PARP12: variants seen among roughly 807,000 people sequenced by gnomAD.
PARP12 encodes poly(ADP-ribose) polymerase family member 12.
Under a neutral mutation model 72.4 loss-of-function variants are expected in PARP12, and 59 were observed. The observed-to-expected ratio is 0.81, with a 90% CI of 0.66 to 1.01. The LOEUF (loss-of-function observed/expected upper bound fraction) is 1.01, where lower values mean the gene tolerates loss of function less well. Ranked by LOEUF, PARP12 falls within the 50% of genes least tolerant of loss-of-function variation. The probability of loss-of-function intolerance (pLI) is 0.00; values close to 1 mark genes in which losing one functional copy is unlikely to be tolerated. For missense variants in PARP12, 851 were observed against 914.0 expected, an observed-to-expected ratio of 0.93 and a Z score of 0.89; for synonymous variants, 403 against 371.4, an observed-to-expected ratio of 1.09 and a Z score of -0.98.
intron 11 of PARP12, among the ~76,000 whole-genome samples, chr7:140,025,895 G>A (rs1428671452): frequency 6.6e-6 from 1 of 152,174 alleles, no homozygotes; most frequent in Non-Finnish European, 1.5e-5. Flanking sequence ...CTTCATCAGG[G>A]CTGGGAAGGT....
intron 7 of PARP12, among the ~76,000 whole-genome samples, chr7:140,036,149 T>C (rs1047322396): frequency 6.6e-6 from 1 of 152,166 alleles, no homozygotes; most frequent in Non-Finnish European, 1.5e-5. Context: ...ACTGCACGTG[T>C]GTGCTCTTCC....
intron 7 of PARP12, among the ~76,000 whole-genome samples, chr7:140,037,048 C>T (rs1378941524): frequency 1.3e-5 from 2 of 152,166 alleles, no homozygotes; most frequent in East Asian, 3.9e-4. Context: ...GCAGGCCAGG[C>T]GCGGTGGCTC....
intron 9 of PARP12, among the ~76,000 whole-genome samples, chr7:140,028,004 G>A (rs1815800397): frequency 6.6e-6 from 1 of 152,188 alleles, no homozygotes; most frequent in Admixed American, 6.5e-5. Context: ...AGCTCAATAA[G>A]TCCTCCCAGG....
At chr7:140,051,421 C>T (rs956834903) in intron 4 of PARP12, among the ~76,000 whole-genome samples, 1 of 150,576 alleles carries the variant, frequency 6.6e-6, no homozygotes, top group African/African-American at 2.4e-5. Context: ...GACAGAGTTT[C>T]ACTCTGTCGC....
chr7:140,029,887 GA>G (rs1216674312), intron 8 of PARP12, among the ~76,000 whole-genome samples: 1 of 152,174 alleles, frequency 6.6e-6, no homozygotes, highest in Non-Finnish European at 1.5e-5. Flanking sequence ...GAAAATGCAG[GA>G]AAGAAGTTGA....
intron 4 of PARP12, among the ~76,000 whole-genome samples, chr7:140,047,320 G>A (rs1816771936): frequency 6.6e-6 from 1 of 152,160 alleles, no homozygotes; most frequent in African/African-American, 2.4e-5. Flanking sequence ...TGGATTAATG[G>A]GTGTATGGGT....
chr7:140,027,844 C>CT (rs375595503), intron 9 of PARP12, among the ~76,000 whole-genome samples: 33 of 149,958 alleles, frequency 2.2e-4, no homozygotes, highest in African/African-American at 6.8e-4. Context: ...ATGTCCCTGC[C>CT]TTTTTTTTTT....
intron 6 of PARP12, among the ~76,000 whole-genome samples, chr7:140,038,834 T>C (rs1816329136): frequency 6.6e-6 from 1 of 152,090 alleles, no homozygotes; most frequent in Non-Finnish European, 1.5e-5. Flanking sequence ...GAGTCACCCA[T>C]GCCTCTGCGC....
chr7:140,028,161 C>T (rs1815810087), intron 9 of PARP12, among the ~76,000 whole-genome samples: 1 of 152,180 alleles, frequency 6.6e-6, no homozygotes, highest in African/African-American at 2.4e-5. Context: ...GGTCAGAGCC[C>T]CTCAACAAGC....
intron 4 of PARP12, among the ~76,000 whole-genome samples, chr7:140,052,964 G>A (rs1436054685): frequency 1.3e-5 from 2 of 152,242 alleles, no homozygotes; most frequent in East Asian, 1.9e-4. Context: ...GTGTTAGCAA[G>A]AATATACAAT....
chr7:140,025,342 G>C (rs1428105933), intron 11 of PARP12: 1 of 289,690 alleles, frequency 3.5e-6, no homozygotes, highest in Admixed American at 4.5e-5. Flanking sequence ...ATGGAAATCT[G>C]AGTTAGAAGC....
chr7:140,052,061 G>T (rs1486022047), intron 4 of PARP12, among the ~76,000 whole-genome samples: 3 of 152,182 alleles, frequency 2.0e-5, no homozygotes, highest in African/African-American at 7.2e-5. Flanking sequence ...TTTGTCTCCA[G>T]GATCCTACTG....
chr7:140,048,967 TAC>T (rs1316855951), intron 4 of PARP12, among the ~76,000 whole-genome samples: 1 of 152,232 alleles, frequency 6.6e-6, no homozygotes, highest in African/African-American at 2.4e-5. Flanking sequence ...GTGTCCTTTG[TAC>T]ATTTTTAATT....
chr7:140,033,369 G>A (rs1287666373), intron 8 of PARP12: 2 of 985,342 alleles, frequency 2.0e-6, no homozygotes, highest in Non-Finnish European at 2.4e-6. Flanking sequence ...AACCAAAAGA[G>A]ACATTGTTGG....
chr7:140,045,840 G>A (rs910312925), intron 5 of PARP12, among the ~76,000 whole-genome samples: 19 of 152,226 alleles, frequency 1.2e-4, no homozygotes, highest in Admixed American at 1.2e-3. Context: ...GGAAGTGTCT[G>A]ACCTTGTAGT....
intron 7 of PARP12, among the ~76,000 whole-genome samples, chr7:140,035,707 C>G (rs1229726102): frequency 6.6e-6 from 1 of 152,148 alleles, no homozygotes; most frequent in East Asian, 1.9e-4. Flanking sequence ...GTACTTGCTT[C>G]CTAATAAACA....
At chr7:140,028,838 A>G in intron 8 of PARP12, 150 bp from the exon 9 acceptor site, 1 of 608,454 alleles carries the variant, frequency 1.6e-6, no homozygotes. Context: ...GAATGTTAGC[A>G]CGATATTCAC....
At chr7:140,062,187 C>T (rs910890828) in intron 1 of PARP12, among the ~76,000 whole-genome samples, 2 of 152,082 alleles carry the variant, frequency 1.3e-5, no homozygotes, top group Non-Finnish European at 2.9e-5. Flanking sequence ...AGGGGCGACC[C>T]GCGGCGTCGT....
At chr7:140,059,407 T>TTA (rs1817350812) in intron 1 of PARP12, among the ~76,000 whole-genome samples, 1 of 152,114 alleles carries the variant, frequency 6.6e-6, no homozygotes, top group African/African-American at 2.4e-5. Context: ...CCTAGCTTTT[T>TTA]TTTTTTTGCT....
Sources: allele counts gnomAD v4.1 joint callset (sites outside exome capture counted in the v4.1 genomes callset), GRCh38; gene constraint gnomAD v4.1.1; transcripts MANE v1.5; gene names NCBI Gene and HGNC (gene_info 2026-07-23, HGNC 2026-07-21).